USP32: variants seen among roughly 807,000 people sequenced by gnomAD.
The protein encoded by USP32 is ubiquitin specific peptidase 32.
Under a neutral mutation model 204.8 loss-of-function variants are expected in USP32, and 59 were observed. The ratio of observed to expected loss-of-function variants is 0.29; its 90% confidence interval spans 0.23 to 0.36. The LOEUF is 0.36. Ranked by LOEUF, USP32 falls within the 10% of genes least tolerant of loss-of-function variation. USP32 has a pLI of 1.00. For missense variants in USP32, 1,160 were observed against 1,946.4 expected (o/e 0.60, Z 7.60); for synonymous variants, 517 against 678.4 (o/e 0.76, Z 3.70).
intron 2 of USP32, among the ~76,000 whole-genome samples, chr17:60,341,547 G>A (rs1257299525): frequency 6.6e-6 from 1 of 152,144 alleles, no homozygotes; most frequent in African/African-American, 2.4e-5. Flanking sequence ...CCAATCAAAC[G>A]TAGATTTGGT....
intron 5 of USP32, among the ~76,000 whole-genome samples, chr17:60,274,772 A>G (rs1263148276): frequency 1.3e-5 from 2 of 152,206 alleles, no homozygotes; most frequent in African/African-American, 4.8e-5. Flanking sequence ...TTCAGACAGC[A>G]GGAAGACCAG....
chr17:60,403,991 G>A (rs185505563), intron 1 of USP32, among the ~76,000 whole-genome samples: 2 of 148,512 alleles, frequency 1.3e-5, no homozygotes, highest in Admixed American at 1.4e-4. Flanking sequence ...AGTGAGCCGC[G>A]ATCACACCAC....
intron 11 of USP32, among the ~76,000 whole-genome samples, chr17:60,241,398 A>G (rs1307908863): frequency 6.6e-6 from 1 of 152,220 alleles, no homozygotes; most frequent in Non-Finnish European, 1.5e-5. Context: ...AAACCAGACA[A>G]TGGCAAATAT....
intron 15 of USP32, among the ~76,000 whole-genome samples, chr17:60,220,225 T>C (rs1351080741): frequency 6.6e-6 from 1 of 152,156 alleles, no homozygotes; most frequent in Non-Finnish European, 1.5e-5. Context: ...CATGCTGCCA[T>C]CTAAAGTTTA....
intron 2 of USP32, among the ~76,000 whole-genome samples, chr17:60,342,813 T>A (rs1418474820): frequency 6.6e-6 from 1 of 152,206 alleles, no homozygotes; most frequent in East Asian, 1.9e-4. Flanking sequence ...GTCCCGTTTT[T>A]CTAGTTACAG....
intron 12 of USP32, among the ~76,000 whole-genome samples, chr17:60,231,944 G>C: frequency 6.6e-6 from 1 of 152,102 alleles, no homozygotes; most frequent in Admixed American, 6.6e-5. Context: ...TCTGGGGTTA[G>C]CCACTTCTAA....
intron 29 of USP32, among the ~76,000 whole-genome samples, chr17:60,187,122 G>A (rs1306450697): frequency 6.6e-6 from 1 of 152,052 alleles, no homozygotes; most frequent in African/African-American, 2.4e-5. Flanking sequence ...GGAACATTAG[G>A]CTGTTGCAAT....
At chr17:60,409,736 G>T (rs1402803103) in intron 1 of USP32, among the ~76,000 whole-genome samples, 1 of 152,182 alleles carries the variant, frequency 6.6e-6, no homozygotes, top group Non-Finnish European at 1.5e-5. Flanking sequence ...GTTTGAAAGA[G>T]GGGTGTCCAA....
intron 4 of USP32, 120 bp downstream of exon 4, chr17:60,294,563 T>G: frequency 1.8e-6 from 1 of 558,794 alleles, no homozygotes; most frequent in South Asian, 3.5e-5. Flanking sequence ...TCAATAAATA[T>G]AAAAATGCCA....
intron 1 of USP32, among the ~76,000 whole-genome samples, chr17:60,415,619 C>A (rs2143107495): frequency 6.6e-6 from 1 of 152,266 alleles, no homozygotes; most frequent in Non-Finnish European, 1.5e-5. Flanking sequence ...AAGACAGTGT[C>A]TAGGTAATGA....
Position 60,181,526 on chromosome 17 carries a change from T to C in USP32, c.4346A>G (p.His1449Arg). The C allele has an allele frequency of 6.2e-7, 1 of 1,614,002 alleles. No homozygotes were observed. The highest frequency in any genetic ancestry group is 8.5e-7 in the Non-Finnish European group (1 of 1,179,862). Residue 1449 changes from histidine (H) to arginine (R), a missense_variant, in exon 32 of 34, where the codon CAT (histidine) becomes CGT (arginine). Physicochemically the swap from His to Arg is conservative, Grantham distance 29. Coordinates refer to ENST00000300896, the MANE Select transcript of USP32 (RefSeq NM_032582.4). The stretch of plus-strand genomic sequence containing the variant: ...CTCTGGTTGGCTGCCCCCCAGCACA[T>C]GCCCTCGACTCAAGGCGTCAGCCAG... ...CELADALSRG[H>R]VLGGSQPELV...
intron 5 of USP32, among the ~76,000 whole-genome samples, chr17:60,272,950 C>A (rs1336163605): frequency 6.6e-6 from 1 of 152,132 alleles, no homozygotes; most frequent in Non-Finnish European, 1.5e-5. Flanking sequence ...GGGCTATGTA[C>A]AAATGCCGGG....
intron 1 of USP32, among the ~76,000 whole-genome samples, chr17:60,420,989 C>T (rs1171600176): frequency 1.3e-5 from 2 of 152,122 alleles, no homozygotes; most frequent in Non-Finnish European, 2.9e-5. Flanking sequence ...TAACAGTCCT[C>T]ATCATCTTCT....
chr17:60,255,095 C>A, intron 10 of USP32, 80 bp downstream of exon 10: 4 of 931,462 alleles, frequency 4.3e-6, no homozygotes, highest in African/African-American at 1.7e-5. Flanking sequence ...GATACAACAA[C>A]TCTGGCTACT....
At chr17:60,210,360 G>A (rs1249079291) in intron 21 of USP32, among the ~76,000 whole-genome samples, 2 of 151,428 alleles carry the variant, frequency 1.3e-5, no homozygotes, top group Admixed American at 1.3e-4. Flanking sequence ...TGCCCAGGCT[G>A]GAGTACAGTG....
chr17:60,281,190 T>G (rs982343051), intron 5 of USP32, among the ~76,000 whole-genome samples: 1 of 152,208 alleles, frequency 6.6e-6, no homozygotes, highest in African/African-American at 2.4e-5. Context: ...TAAAAACCAC[T>G]GACATTCACA....
chr17:60,232,566 A>T (rs1238079001), intron 12 of USP32, among the ~76,000 whole-genome samples: 17 of 135,396 alleles, frequency 1.3e-4, no homozygotes, highest in East Asian at 4.3e-4. Context: ...TTTTTTTTTT[A>T]AATACAGTCT....
chr17:60,374,212 C>A, intron 1 of USP32, among the ~76,000 whole-genome samples: 1 of 151,724 alleles, frequency 6.6e-6, no homozygotes, highest in East Asian at 1.9e-4. Context: ...GACATAAACA[C>A]ACACCTTAGC....
At chr17:60,386,018 AAC>A (rs146544566) in intron 1 of USP32, among the ~76,000 whole-genome samples, 269 of 148,732 alleles carry the variant, frequency 1.8e-3, no homozygotes, top group Middle Eastern at 3.4e-3. Context: ...ATTGCTGCAT[AAC>A]ACACACACAC....
Sources: gnomAD v4.1 joint callset for allele counts (sites outside exome capture counted in the v4.1 genomes callset) on GRCh38, gnomAD v4.1.1 for gene constraint, MANE v1.5 for transcripts, NCBI Gene and HGNC (gene_info 2026-07-23, HGNC 2026-07-21) for gene names.